KCNMB2: variants seen among roughly 807,000 people sequenced by gnomAD.
The protein encoded by KCNMB2 is calcium-activated potassium channel subunit beta-2.
A neutral mutation model predicts 24.5 loss-of-function variants in KCNMB2; 9 were observed. The ratio of observed to expected loss-of-function variants is 0.37; its 90% CI spans 0.22 to 0.64. The LOEUF is 0.64. KCNMB2 is among the 30% of genes least tolerant of loss of function. The pLI is 0.63. For synonymous variants in KCNMB2, 109 were observed against 104.4 expected (o/e 1.04, Z -0.27); for missense variants, 226 against 284.3 (o/e 0.79, Z 1.47).
At chr3:178,549,513 G>A (rs2108453239) in intron 1 of KCNMB2, among the ~76,000 whole-genome samples, 1 of 130,346 alleles carries the variant, frequency 7.7e-6, no homozygotes, top group East Asian at 2.3e-4. Context: ...TTTTAGTAGA[G>A]ATGAGGTTTC....
intron 1 of KCNMB2, among the ~76,000 whole-genome samples, chr3:178,626,282 T>C (rs1045666028): frequency 2.6e-5 from 4 of 152,226 alleles, no homozygotes; most frequent in African/African-American, 7.2e-5. Flanking sequence ...TTTCTGAGCA[T>C]TGATTTCTCA....
intron 1 of KCNMB2, among the ~76,000 whole-genome samples, chr3:178,784,874 T>TA (rs67483966): frequency 0.52 from 62,859 of 120,944 alleles, 15,812 homozygotes; most frequent in East Asian, 0.57. Context: ...CCTGAAGCCT[T>TA]AAAAAAAAAA....
chr3:178,598,414 T>G (rs917264217), intron 1 of KCNMB2, among the ~76,000 whole-genome samples: 4 of 151,958 alleles, frequency 2.6e-5, no homozygotes, highest in African/African-American at 9.7e-5. Context: ...GCTTATTTAT[T>G]TATTTGTTCA....
intron 1 of KCNMB2, among the ~76,000 whole-genome samples, chr3:178,693,085 T>G (rs759313044): frequency 2.0e-5 from 3 of 152,244 alleles, no homozygotes; most frequent in African/African-American, 4.8e-5. Context: ...CTCATGATTA[T>G]TGCACATTGA....
intron 1 of KCNMB2, among the ~76,000 whole-genome samples, chr3:178,793,384 A>G (rs1490975823): frequency 1.3e-5 from 2 of 152,324 alleles, no homozygotes; most frequent in East Asian, 1.9e-4. Flanking sequence ...CAGTGATGAC[A>G]TGGCAGAGAA....
chr3:178,788,462 GA>G (rs576345011), intron 1 of KCNMB2, among the ~76,000 whole-genome samples: 2 of 151,524 alleles, frequency 1.3e-5, no homozygotes, highest in East Asian at 1.9e-4. Context: ...GCCAAATTTT[GA>G]AAAAAAATTC....
chr3:178,600,892 T>A (rs1409614987), intron 1 of KCNMB2, among the ~76,000 whole-genome samples: 2 of 152,192 alleles, frequency 1.3e-5, no homozygotes, highest in African/African-American at 2.4e-5. Context: ...TCCACAATGG[T>A]TGAACTAATT....
At chr3:178,579,003 T>G (rs1365798322) in intron 1 of KCNMB2, among the ~76,000 whole-genome samples, 1 of 152,160 alleles carries the variant, frequency 6.6e-6, no homozygotes, top group African/African-American at 2.4e-5. Flanking sequence ...GGACTTGACC[T>G]CAGCTATGGA....
At chr3:178,712,623 T>C (rs932914181) in intron 1 of KCNMB2, among the ~76,000 whole-genome samples, 8 of 152,182 alleles carry the variant, frequency 5.3e-5, no homozygotes, top group Admixed American at 1.3e-4. Flanking sequence ...TTAGGAACCC[T>C]ACAAGCATTT....
At chr3:178,680,376 A>T (rs931789450) in intron 1 of KCNMB2, among the ~76,000 whole-genome samples, 4 of 152,086 alleles carry the variant, frequency 2.6e-5, no homozygotes, top group Non-Finnish European at 4.4e-5. Context: ...AGCTTCTACA[A>T]CACCTACCTG....
intron 1 of KCNMB2, among the ~76,000 whole-genome samples, chr3:178,716,076 T>C (rs960368260): frequency 9.2e-5 from 14 of 152,194 alleles, no homozygotes; most frequent in African/African-American, 3.4e-4. Context: ...TAACCAAAGC[T>C]TACAGTTCAG....
intron 1 of KCNMB2, among the ~76,000 whole-genome samples, chr3:178,635,650 G>A (rs553543354): frequency 5.9e-5 from 9 of 152,152 alleles, no homozygotes; most frequent in Non-Finnish European, 1.3e-4. Context: ...CTGTGTCATA[G>A]TCCTTCTTCA....
intron 4 of KCNMB2, among the ~76,000 whole-genome samples, chr3:178,832,962 G>A (rs148120215): frequency 1.2e-5 from 1 of 80,234 alleles, no homozygotes; most frequent in East Asian, 2.1e-4. Context: ...ATCTGGCTAT[G>A]TTTTATTAGG....
At chr3:178,728,523 G>A (rs920084355) in intron 1 of KCNMB2, among the ~76,000 whole-genome samples, 20 of 152,076 alleles carry the variant, frequency 1.3e-4, no homozygotes, top group African/African-American at 3.9e-4. Flanking sequence ...TCACGTGAGC[G>A]CTGTCTGTCC....
intron 1 of KCNMB2, among the ~76,000 whole-genome samples, chr3:178,585,298 A>T (rs1410561066): frequency 6.6e-6 from 1 of 152,218 alleles, no homozygotes; most frequent in African/African-American, 2.4e-5. Flanking sequence ...GCATGATGAA[A>T]TTTATAAAGG....
chr3:178,760,956 T>C (rs1007309976), intron 1 of KCNMB2, among the ~76,000 whole-genome samples: 12 of 152,254 alleles, frequency 7.9e-5, no homozygotes, highest in Non-Finnish European at 1.5e-4. Context: ...CTAATAACAA[T>C]ATGCACCACT....
rs35122415 is a variant in KCNMB2, at chr3:178,652,464, TA to T, written c.-68+115763del. ...ACATGTACCCCAGAACTTGAAGTAT[TA>T]AAAAAAAAATCATGTATTTTTTTCT... On this transcript the variant is annotated intron_variant, in intron 1 of 4. Coordinates refer to ENST00000452583, the MANE Select transcript of KCNMB2 (RefSeq NM_181361.3). 6.9e-4 allele frequency among the ~76,000 whole-genome samples: 104 copies of T among 150,242 alleles called. 1 individual carries two copies. The East Asian group carries it at 8.2e-3, about 12-fold the overall frequency.
intron 1 of KCNMB2, among the ~76,000 whole-genome samples, chr3:178,805,203 CCA>C (rs1434213848): frequency 1.3e-5 from 2 of 152,150 alleles, no homozygotes; most frequent in African/African-American, 2.4e-5. Context: ...GTTCTACCTC[CCA>C]CAGTCTCTGT....
rs187942854 is a variant in KCNMB2, at chr3:178,656,222, T to C, written c.-68+119511T>C. Among the ~76,000 whole-genome samples the C allele has an allele frequency of 1.7e-4, 26 of 152,288 alleles. No individual in the cohort carries two copies. In the East Asian group the frequency reaches 4.8e-3, roughly 28 times the overall value. ...TGAGATATCTTCACAGTCTAGTAAA[T>C]GCAAATAGAATTATTTCTGACAACT... is the stretch of plus-strand genomic sequence containing the variant. On this transcript the variant is annotated intron_variant, in intron 1 of 4. Transcript: ENST00000452583.
Sources: allele counts gnomAD v4.1 joint callset (sites outside exome capture counted in the v4.1 genomes callset), GRCh38; gene constraint gnomAD v4.1.1; transcripts MANE v1.5; gene names NCBI Gene and HGNC (gene_info 2026-07-23, HGNC 2026-07-21).